The following ADGRB3 variants were observed in gnomAD, a reference collection of about 807,000 sequenced individuals.
The protein encoded by ADGRB3 is adhesion G protein-coupled receptor B3, also known as brain-specific angiogenesis inhibitor 3.
In ADGRB3, 37 loss-of-function variants were observed where a neutral mutation model predicts 193.4. The observed-to-expected ratio is 0.19, with a 90% CI of 0.15 to 0.25. The LOEUF (loss-of-function observed/expected upper bound fraction) is 0.25. ADGRB3 is among the 10% of genes least tolerant of loss of function. ADGRB3 has a pLI of 1.00. For missense variants in ADGRB3, 1,637 were observed against 1,852.9 expected (o/e 0.88, Z 2.14); for synonymous variants, 690 against 644.2 (o/e 1.07, Z -1.08).
intron 3 of ADGRB3, among the ~76,000 whole-genome samples, chr6:68,883,483 C>A (rs998514687): frequency 2.0e-5 from 3 of 152,152 alleles, no homozygotes; most frequent in African/African-American, 7.2e-5. Flanking sequence ...TGTTGCTTCT[C>A]GCTCATTGGG....
intron 3 of ADGRB3, among the ~76,000 whole-genome samples, chr6:68,800,529 A>G (rs1394692761): frequency 3.2e-4 from 48 of 152,124 alleles, no homozygotes; most frequent in Admixed American, 3.1e-3. Flanking sequence ...GTTGAGACTG[A>G]AGGTATACTA....
At chr6:68,804,239 A>G (rs1480082579) in intron 3 of ADGRB3, among the ~76,000 whole-genome samples, 1 of 152,212 alleles carries the variant, frequency 6.6e-6, no homozygotes, top group Non-Finnish European at 1.5e-5. Flanking sequence ...CGGGCCTTGG[A>G]TTATGCTGTT....
chr6:69,289,021 G>A (rs545230554), intron 20 of ADGRB3, among the ~76,000 whole-genome samples: 77 of 151,990 alleles, frequency 5.1e-4, no homozygotes, highest in South Asian at 2.3e-3. Context: ...TTCTATTTGC[G>A]TTATAAAAAG....
chr6:69,047,634 G>C (rs1771275881), intron 13 of ADGRB3, among the ~76,000 whole-genome samples: 1 of 151,706 alleles, frequency 6.6e-6, no homozygotes. Context: ...TGACATTATT[G>C]GTACCTTTAT....
At chr6:68,640,896 C>G (rs1256865604) in intron 3 of ADGRB3, among the ~76,000 whole-genome samples, 1 of 152,160 alleles carries the variant, frequency 6.6e-6, no homozygotes, top group Admixed American at 6.5e-5. Context: ...TTAAAGATTT[C>G]TGCAGGTCAG....
chr6:68,829,872 A>G (rs1041789414), intron 3 of ADGRB3, among the ~76,000 whole-genome samples: 2 of 152,164 alleles, frequency 1.3e-5, no homozygotes, highest in Non-Finnish European at 2.9e-5. Flanking sequence ...GGAATTTACT[A>G]TTATTAGAAG....
chr6:69,278,292 C>T (rs1767346472), intron 20 of ADGRB3, among the ~76,000 whole-genome samples: 1 of 152,154 alleles, frequency 6.6e-6, no homozygotes, highest in Non-Finnish European at 1.5e-5. Flanking sequence ...CATGAGAAAG[C>T]AAGAAACACT....
intron 20 of ADGRB3, among the ~76,000 whole-genome samples, chr6:69,279,071 G>GTGTATATA (rs1223848774): frequency 1.1e-4 from 8 of 71,376 alleles, no homozygotes; most frequent in South Asian, 7.8e-4. Context: ...AAATACATAT[G>GTGTATATA]TATATATATA....
At chr6:69,046,578 T>C (rs1452413090) in intron 13 of ADGRB3, among the ~76,000 whole-genome samples, 1 of 152,132 alleles carries the variant, frequency 6.6e-6, no homozygotes, top group East Asian at 2.0e-4. Context: ...ATCTTCTTTC[T>C]TTTAACATTA....
chr6:68,873,869 CTGGA>C (rs1765522520), intron 3 of ADGRB3, among the ~76,000 whole-genome samples: 1 of 151,830 alleles, frequency 6.6e-6, no homozygotes, highest in Admixed American at 6.6e-5. Context: ...TTCTGTATGC[CTGGA>C]TGAACATTTT....
intron 17 of ADGRB3, among the ~76,000 whole-genome samples, chr6:69,114,779 A>C (rs1460860289): frequency 6.6e-6 from 1 of 152,174 alleles, no homozygotes; most frequent in Non-Finnish European, 1.5e-5. Flanking sequence ...TCCTTTCCCC[A>C]TTGCTTCTTT....
At chr6:68,838,547 C>A (rs62418572) in intron 3 of ADGRB3, among the ~76,000 whole-genome samples, 16,159 of 152,154 alleles carry the variant, frequency 0.11, 970 homozygotes, top group Non-Finnish European at 0.13. Flanking sequence ...GATGTCATGA[C>A]AAGTGATACT....
At chr6:68,711,800 A>C (rs1765413450) in intron 3 of ADGRB3, among the ~76,000 whole-genome samples, 1 of 152,108 alleles carries the variant, frequency 6.6e-6, no homozygotes, top group South Asian at 2.1e-4. Flanking sequence ...ATATCTGCAC[A>C]GTCATCACAT....
At chr6:68,786,495 T>G (rs1419025772) in intron 3 of ADGRB3, among the ~76,000 whole-genome samples, 2 of 152,180 alleles carry the variant, frequency 1.3e-5, no homozygotes, top group Non-Finnish European at 2.9e-5. Flanking sequence ...AGGGCTCTGT[T>G]CTGTTCCATT....
intron 3 of ADGRB3, among the ~76,000 whole-genome samples, chr6:68,824,833 C>T (rs1272788428): frequency 1.3e-5 from 2 of 151,442 alleles, no homozygotes; most frequent in Non-Finnish European, 2.9e-5. Flanking sequence ...TTATAATGTG[C>T]ATCCAGTAAA....
At chr6:69,292,482 A>G (rs1190154249) in intron 20 of ADGRB3, among the ~76,000 whole-genome samples, 1 of 152,188 alleles carries the variant, frequency 6.6e-6, no homozygotes, top group Non-Finnish European at 1.5e-5. Context: ...ATTAGTTTGT[A>G]TATGAATGCA....
Position 69,355,233 on chromosome 6 carries a change from G to T in ADGRB3, c.3556-588G>T, listed in dbSNP as rs557781190. On this transcript the variant is annotated intron_variant, in intron 27 of 31. Transcript: ENST00000370598. ...TAAAATAAAAGTTTTAGGAAAATAT[G>T]AGGTCACAACTAAACCCCAGAAGGT... Among the ~76,000 whole-genome samples, 11 of 152,264 alleles carry T rather than the reference G, an allele frequency of 7.2e-5. No individual in the cohort carries two copies. The East Asian group carries it at 2.1e-3, about 29-fold the overall frequency.
intron 24 of ADGRB3, among the ~76,000 whole-genome samples, 173 bp from the exon 25 acceptor site, chr6:69,338,743 T>C (rs1371486085): frequency 6.6e-6 from 1 of 152,236 alleles, no homozygotes; most frequent in Non-Finnish European, 1.5e-5. Flanking sequence ...AGGTAAATGT[T>C]ACAAAGATAA....
chr6:68,807,235 C>CTTTTTTTTTTTT (rs771342538), intron 3 of ADGRB3, among the ~76,000 whole-genome samples: 5 of 100,200 alleles, frequency 5.0e-5, no homozygotes, highest in Non-Finnish European at 7.7e-5. Flanking sequence ...TTTCTTTTTT[C>CTTTTTTTTTTTT]TTTTTTTTTT....
Sources: gnomAD v4.1 joint callset for allele counts (sites outside exome capture counted in the v4.1 genomes callset) on GRCh38, gnomAD v4.1.1 for gene constraint, MANE v1.5 for transcripts, NCBI Gene and HGNC (gene_info 2026-07-23, HGNC 2026-07-21) for gene names.